CHD5: variants seen among roughly 807,000 people sequenced by gnomAD.
The protein encoded by CHD5 is ATP-dependent chromatin remodeler CHD5.
Under a neutral mutation model 230.3 loss-of-function variants are expected in CHD5, and 69 were observed. The ratio of observed to expected loss-of-function variants is 0.30; its 90% confidence interval spans 0.25 to 0.37. CHD5 has a LOEUF of 0.37. Ranked by LOEUF, CHD5 falls within the 10% of genes least tolerant of loss-of-function variation. The pLI, the probability that CHD5 is intolerant of heterozygous loss-of-function variation, is 1.00. For synonymous variants in CHD5, 1,064 were observed against 1,065.9 expected (o/e 1.00, Z 0.03); for missense variants, 1,827 against 2,622.8 (o/e 0.70, Z 6.63).
chr1:6,137,345 G>T (rs1029233836), intron 15 of CHD5, among the ~76,000 whole-genome samples: 4 of 152,142 alleles, frequency 2.6e-5, no homozygotes, highest in Admixed American at 2.6e-4. Context: ...GAACTCAAGT[G>T]AACCGCCCAC....
At position 6,106,592 on chromosome 1, in the gene CHD5, C is replaced by A. The variant is rs200472990; in HGVS notation, c.5742+24G>T. 6 of 1,553,666 alleles carry A rather than the reference C, an allele frequency of 3.9e-6. No homozygotes were observed. The Admixed American group carries it at 5.8e-5, about 15-fold the overall frequency. ...CAGGGGCACGCCAGGGGGCTCGGGC[C>A]GGGGCACACAGGCCGAGCCTGACCT... On this transcript the variant is annotated intron_variant, in intron 39 of 41. Coordinates refer to ENST00000262450, the MANE Select transcript of CHD5 (RefSeq NM_015557.3).
chr1:6,123,297 C>A (rs1415368497), intron 31 of CHD5, among the ~76,000 whole-genome samples: 1 of 152,036 alleles, frequency 6.6e-6, no homozygotes, highest in Non-Finnish European at 1.5e-5. Context: ...GCTGCCCAGG[C>A]CTGGGGTGGG....
Position 6,142,864 on chromosome 1 carries a change from G to A in CHD5, c.2044-259C>T, listed in dbSNP as rs1052704776. Among the ~76,000 whole-genome samples the A allele has an allele frequency of 2.6e-5, 4 of 152,144 alleles. No homozygotes were observed. Among genetic ancestry groups the A allele is most frequent in the Non-Finnish European group, 4.4e-5 (3 of 68,036 alleles). On this transcript the variant is annotated intron_variant, in intron 13 of 41. Coordinates refer to ENST00000262450, the MANE Select transcript of CHD5 (RefSeq NM_015557.3). The surrounding 1 kb of genome is among the most constrained non-coding windows in gnomAD (Gnocchi z 5.2). ...CTCCTATCAGGGAAATTTCCCGACT[G>A]TTGAATTCTCTGACTCTGAGCCCAG...
At chr1:6,169,690 C>T (rs1237866833) in intron 1 of CHD5, among the ~76,000 whole-genome samples, 2 of 152,170 alleles carry the variant, frequency 1.3e-5, no homozygotes, top group Admixed American at 6.5e-5. Flanking sequence ...CCCGTGGGGG[C>T]AAAGGAGGCT....
In CHD5 at chr1:6,146,318, C is replaced by T. The variant is rs1368579320; in HGVS notation, c.1696G>A (p.Glu566Lys). Residue 566 changes from glutamate (E) to lysine (K), a missense_variant, in exon 11 of 42, where the codon GAG becomes AAG. Around this residue, in one of 14 missense-constraint regions of CHD5, gnomAD observed 657 missense variants for 816.4 expected, o/e 0.80. Transcript: ENST00000262450. The surrounding 1 kb of genome is among the most constrained non-coding windows in gnomAD (Gnocchi z 5.1). ...AGGGGGTCCTTGTTCTTCCTCTTCT[C>T]GCTCTTGCCGTCTTCATCCCCAGAG... is the stretch of plus-strand genomic sequence containing the variant. Reference protein sequence around the residue: ...YGSGDEDGKSEKRKNKDPLYA... With the variant: ...YGSGDEDGKSKKRKNKDPLYA... 3.7e-6 allele frequency: 6 copies of T among 1,614,038 alleles called. No individual in the cohort carries two copies. Among genetic ancestry groups the T allele is most frequent in the East Asian group, 2.2e-5 (1 of 44,902 alleles).
rs1306734934 is a variant in CHD5, at chr1:6,154,466, C to T, written c.745+194G>A. ...CCACCAACCCCAAAAGGGAGTCAGG[C>T]ACAAAAGAGGCGACGATGCTGCCTC... On this transcript the variant is annotated intron_variant, in intron 5 of 41. Coordinates refer to ENST00000262450, the MANE Select transcript of CHD5 (RefSeq NM_015557.3). The surrounding 1 kb of genome is among the most constrained non-coding windows in gnomAD (Gnocchi z 7.0). 6.6e-6 allele frequency among the ~76,000 whole-genome samples: 1 copy of T among 152,166 alleles called. No individual in the cohort carries two copies. The highest frequency in any genetic ancestry group is 1.5e-5 in the Non-Finnish European group (1 of 68,024).
At position 6,101,886 on chromosome 1, in the gene CHD5, G is replaced by C. The variant is rs1666062806; in HGVS notation, c.*3588C>G. ...TTGTGTTGGCTACAGCCTCTGTCCAGCCTCCCGTGGGCGAAGACCAGACAA... is the reference window on the plus strand; with the variant it reads ...TTGTGTTGGCTACAGCCTCTGTCCACCCTCCCGTGGGCGAAGACCAGACAA... On this transcript the variant is annotated 3_prime_UTR_variant, in exon 42 of 42. Coordinates refer to ENST00000262450, the MANE Select transcript of CHD5 (RefSeq NM_015557.3). 3.2e-6 allele frequency: 1 copy of C among 308,400 alleles called. No homozygotes were observed. Among genetic ancestry groups the C allele is most frequent in the African/African-American group, 2.3e-5 (1 of 42,708 alleles). 19.1% of individuals were successfully genotyped at this position (308,400 alleles called of 1,614,324 possible).
Position 6,134,299 on chromosome 1 carries a change from C to A in CHD5, c.3013-40G>T. The A allele has an allele frequency of 6.2e-7, 1 of 1,604,784 alleles. No homozygotes were observed. The highest frequency in any genetic ancestry group is 1.1e-5 in the South Asian group (1 of 90,954). ...GGAGGTGGGGCATTGGTGGGCTCCC[C>A]TCTCCTCTCTGACTCTGCACCAAAG... On this transcript the variant is annotated intron_variant, in intron 19 of 41. Coordinates refer to ENST00000262450, the MANE Select transcript of CHD5 (RefSeq NM_015557.3). This position sits in a 1 kb window ranked among gnomAD's most constrained non-coding sequence, Gnocchi z 6.3.
intron 15 of CHD5, among the ~76,000 whole-genome samples, chr1:6,137,086 G>A (rs1394275945): frequency 1.3e-5 from 2 of 151,620 alleles, no homozygotes; most frequent in Non-Finnish European, 2.9e-5. Context: ...TGGTGTGGAG[G>A]AGGAGAAGAA....
intron 25 of CHD5, 109 bp downstream of exon 25, chr1:6,127,937 C>CG (rs1666588081): frequency 4.2e-6 from 4 of 952,188 alleles, no homozygotes; most frequent in Admixed American, 2.5e-5. Flanking sequence ...GCTTGGAGGG[C>CG]TGGCTGCGGC....
chr1:6,162,980 G>T (rs1051121495), intron 2 of CHD5, among the ~76,000 whole-genome samples: 6 of 152,208 alleles, frequency 3.9e-5, no homozygotes, highest in Admixed American at 3.3e-4. Flanking sequence ...GGAGGGATAG[G>T]GAGGGGAAGG....
intron 1 of CHD5, among the ~76,000 whole-genome samples, chr1:6,175,887 G>A (rs554951713): frequency 9.9e-5 from 15 of 151,860 alleles, no homozygotes; most frequent in African/African-American, 3.6e-4. Flanking sequence ...GATGAATAGT[G>A]GATAGGAAGA....
intron 30 of CHD5, 132 bp downstream of exon 30, chr1:6,124,385 G>T: frequency 9.4e-7 from 1 of 1,058,342 alleles, no homozygotes; most frequent in Non-Finnish European, 1.4e-6. Flanking sequence ...CAGTCCCTCT[G>T]GAGTGACTCG....
At chr1:6,106,183 T>C in intron 41 of CHD5, 51 bp downstream of exon 41, 1 of 1,538,498 alleles carries the variant, frequency 6.5e-7, no homozygotes, top group Non-Finnish European at 9.0e-7. Context: ...CCAGGCCTGG[T>C]TTGCCAGCAA....
chr1:6,153,469 C>G (rs1667036126), intron 5 of CHD5, among the ~76,000 whole-genome samples: 1 of 152,168 alleles, frequency 6.6e-6, no homozygotes, highest in Admixed American at 6.5e-5. Context: ...GACACAGAAC[C>G]CCAGAAACTA....
At chr1:6,114,178 G>A (rs1014857006) in intron 33 of CHD5, among the ~76,000 whole-genome samples, 7 of 151,940 alleles carry the variant, frequency 4.6e-5, no homozygotes, top group African/African-American at 9.7e-5. Flanking sequence ...GCTTGAACCC[G>A]GGAGGCAGAG....
chr1:6,129,111 C>G lies in CHD5; in HGVS notation c.3388-42G>C. The stretch of plus-strand genomic sequence containing the variant: ...CTCAGCACCCGTGGCTCACCCAGGG[C>G]TCCAGGCAATGGAGGAGATCACACC... On this transcript the variant is annotated intron_variant, in intron 22 of 41. Coordinates refer to ENST00000262450, the MANE Select transcript of CHD5 (RefSeq NM_015557.3). This position sits in a 1 kb window ranked among gnomAD's most constrained non-coding sequence, Gnocchi z 6.8. The G allele has an allele frequency of 2.1e-6, 3 of 1,438,696 alleles. No homozygotes were observed. The highest frequency in any genetic ancestry group is 2.9e-6 in the Non-Finnish European group (3 of 1,038,416). 89.1% of individuals were successfully genotyped at this position (1,438,696 alleles called of 1,614,324 possible). A position where few individuals can be genotyped will look rare whatever the true frequency, so the allele number is the denominator to read the frequency against.
chr1:6,170,330 G>A (rs758823321), intron 1 of CHD5, among the ~76,000 whole-genome samples: 10 of 152,300 alleles, frequency 6.6e-5, no homozygotes, highest in African/African-American at 9.6e-5. Flanking sequence ...AGTCCTAAGC[G>A]GGGAAAGGGG....
chr1:6,109,434 G>A (rs1666249570), intron 38 of CHD5, among the ~76,000 whole-genome samples: 1 of 152,236 alleles, frequency 6.6e-6, no homozygotes, highest in Non-Finnish European at 1.5e-5. Context: ...ACGGGGCCAA[G>A]GAGAAGGCTC....
Sources: gnomAD v4.1 joint callset for allele counts (sites outside exome capture counted in the v4.1 genomes callset) on GRCh38, gnomAD v4.1.1 for gene constraint, gnomAD v4.1.1 regional missense constraint, Gnocchi (gnomAD v3.1) non-coding constraint, MANE v1.5 for transcripts, NCBI Gene and HGNC (gene_info 2026-07-23, HGNC 2026-07-21) for gene names.